The following SOX8 variants were observed in gnomAD, a reference collection of about 807,000 sequenced individuals.
The protein encoded by SOX8 is transcription factor SOX-8.
In SOX8, 9 loss-of-function variants were observed where a neutral mutation model predicts 22.9. The observed-to-expected ratio is 0.39, with a 90% CI of 0.24 to 0.69. The LOEUF (loss-of-function observed/expected upper bound fraction) is 0.69, where lower values mean the gene tolerates loss of function less well. SOX8 is among the 30% of genes least tolerant of loss of function. The pLI is 0.43. For synonymous variants in SOX8, 416 were observed against 330.6 expected, an observed-to-expected ratio of 1.26 and a Z score of -2.80; for missense variants, 734 against 699.4, an observed-to-expected ratio of 1.05 and a Z score of -0.56.
Position 984,717 on chromosome 16 carries a change from G to GCCCC in SOX8, c.675_676insCCCC (p.Thr226ProfsTer255). 1.3e-6 allele frequency: 2 copies of GCCCC among 1,543,478 alleles called. No individual in the cohort carries two copies. Among genetic ancestry groups the GCCCC allele is most frequent in the Non-Finnish European group, 1.7e-6 (2 of 1,148,398 alleles). ...TGTCCCCAGGGCAGACCCACGGGCC[G>GCCCC]CCCACCCCGCCCACCACCCCCAAGA... On this transcript the variant is annotated frameshift_variant, in exon 3 of 3. Transcript: ENST00000293894. LOFTEE classifies it low-confidence loss of function (END_TRUNC).
rs1019429608 is a variant in SOX8 at position 981,790 on chromosome 16, G to A, written c.-133G>A. On this transcript the variant is annotated 5_prime_UTR_variant, in exon 1 of 3. Coordinates refer to ENST00000293894, the MANE Select transcript of SOX8 (RefSeq NM_014587.5). The stretch of plus-strand genomic sequence containing the variant: ...GCAGCGGGACCCGAGCCTCGGCGGC[G>A]GCGGCGGCGGCGGCAGGGGCGAGGG... 1.9e-5 allele frequency: 6 copies of A among 315,632 alleles called. No individual in the cohort carries two copies. The highest frequency in any genetic ancestry group is 2.2e-4 in the South Asian group (2 of 8,988). The allele number at this position is 315,632 out of a possible 1,614,324, so 19.6% of individuals were successfully genotyped here. A position where few individuals can be genotyped will look rare whatever the true frequency, so the allele number is the denominator to read the frequency against.
rs1435449875 is a variant in SOX8 at position 985,287 on chromosome 16, C to A, written c.1242C>A (p.Pro414=). The A allele has an allele frequency of 6.2e-7, 1 of 1,610,886 alleles. No individual in the cohort carries two copies. ...QYPCFHSPRR[P]YASPLLNGLA... ...CCTGCTTCCACTCGCCGCGCCGGCC[C>A]TACGCCTCACCCCTGCTCAACGGCC... Residue 414 remains proline (P), a synonymous_variant, in exon 3 of 3, where the codon CCC becomes CCA. Coordinates refer to ENST00000293894, the MANE Select transcript of SOX8 (RefSeq NM_014587.5).
chr16:981,972 G>T lies in SOX8; in HGVS notation c.50G>T (p.Gly17Val). ...ARSQPPCSPSGTASSMSHVED... is the reference protein window; with the variant it reads ...ARSQPPCSPSVTASSMSHVED... Reference sequence around the variant, plus strand: ...TCCCAGCCGCCCTGCAGCCCGTCCGGCACCGCCAGCTCCATGTCGCACGTG... The same window carrying T: ...TCCCAGCCGCCCTGCAGCCCGTCCGTCACCGCCAGCTCCATGTCGCACGTG... Residue 17 changes from glycine to valine, a missense_variant, in exon 1 of 3, where the codon GGC (glycine) becomes GTC (valine). Around this residue, in one of 3 missense-constraint regions of SOX8, gnomAD observed 139 missense variants for 109.1 expected, o/e 1.27. Coordinates refer to ENST00000293894, the MANE Select transcript of SOX8 (RefSeq NM_014587.5). The T allele has an allele frequency of 6.9e-7, 1 of 1,443,940 alleles. No individual in the cohort carries two copies. Among genetic ancestry groups the T allele is most frequent in the Non-Finnish European group, 9.1e-7 (1 of 1,098,248 alleles). The allele number at this position is 1,443,940 out of a possible 1,614,324, so 89.4% of individuals were successfully genotyped here.
chr16:982,315 G>C lies in SOX8; in HGVS notation c.393G>C (p.Glu131Asp). Residue 131 changes from glutamate to aspartate, a missense_variant, in exon 1 of 3, where the codon GAG becomes GAC. Glu to Asp is a conservative substitution (Grantham distance 45). Transcript: ENST00000293894. ...ADQYPHLHNA[E>D]LSKTLGKLWR... The stretch of plus-strand genomic sequence containing the variant: ...AGTACCCGCACCTGCACAACGCCGA[G>C]CTCAGCAAGACGCTGGGCAAGCTGT... The C allele has an allele frequency of 7.0e-7, 1 of 1,425,876 alleles. No homozygotes were observed. Among genetic ancestry groups the C allele is most frequent in the Non-Finnish European group, 9.2e-7 (1 of 1,083,588 alleles). The allele number at this position is 1,425,876 out of a possible 1,614,324, so 88.3% of individuals were successfully genotyped here.
rs2073467777 is a variant in SOX8, at chr16:986,971, T to G, written c.*1585T>G. ...ATTTGATAAAATTAAACAAAGTGCT[T>G]TTTATGGACGTGGGCTGCATTTTGT... On this transcript the variant is annotated 3_prime_UTR_variant, in exon 3 of 3. Transcript: ENST00000293894. 6.6e-6 allele frequency: 1 copy of G among 152,246 alleles called. No homozygotes were observed. The highest frequency in any genetic ancestry group is 2.4e-5 in the African/African-American group (1 of 41,468). The allele number at this position is 152,246 out of a possible 1,614,324, so 9.4% of individuals were successfully genotyped here. A position where few individuals can be genotyped will look rare whatever the true frequency, so the allele number is the denominator to read the frequency against.
chr16:985,069 C>T lies in SOX8; in HGVS notation c.1024C>T (p.Gln342Ter), dbSNP rs1432968498. Residue 342 changes from glutamine to a stop codon, truncating the protein, a stop_gained, in exon 3 of 3, where the codon CAG (glutamine) becomes TAG (stop). Transcript: ENST00000293894. LOFTEE classifies it low-confidence loss of function (END_TRUNC). ...CCCACGGCCGCACATCAAGACGGAGCAGCCGAGCCCCGGCCACTACGGCGA... is the reference window on the plus strand; with the variant it reads ...CCCACGGCCGCACATCAAGACGGAGTAGCCGAGCCCCGGCCACTACGGCGA... ...GPPRPHIKTE[Q>*]PSPGHYGDQP... The T allele has an allele frequency of 6.3e-7, 1 of 1,583,766 alleles. No homozygotes were observed. The highest frequency in any genetic ancestry group is 8.5e-7 in the Non-Finnish European group (1 of 1,172,256).
intron 1 of SOX8, chr16:982,679 C>G (rs1297158276): frequency 7.9e-6 from 2 of 254,182 alleles, no homozygotes; most frequent in Admixed American, 5.6e-5. Context: ...CCAGCCGTTG[C>G]GAGTGGCCCC....
chr16:985,334 G>C lies in SOX8; in HGVS notation c.1289G>C (p.Ser430Thr). ...GGCCTGGCCCTGCCGCCCGCCCACA[G>C]CCCCACCAGTCACTGGGACCAGCCG... ...LNGLALPPAHSPTSHWDQPVY... is the reference protein window; with the variant it reads ...LNGLALPPAHTPTSHWDQPVY... Residue 430 changes from serine (S) to threonine (T), a missense_variant, in exon 3 of 3, where the codon AGC (serine) becomes ACC (threonine). This residue lies in a region of SOX8 where 588 missense variants were observed against 568.2 expected (regional missense o/e 1.03). Transcript: ENST00000293894. The C allele has an allele frequency of 6.3e-7, 1 of 1,594,542 alleles. No individual in the cohort carries two copies. The highest frequency in any genetic ancestry group is 1.1e-5 in the South Asian group (1 of 89,674).
rs1042599349 is a variant in SOX8 at position 985,647 on chromosome 16, C to T, written c.*261C>T. ...ACAAAGAAGGGCTGCCGTTTGGTCCCTCTTCCGTGAGGACTGGCGGCACCA... is the reference window on the plus strand; with the variant it reads ...ACAAAGAAGGGCTGCCGTTTGGTCCTTCTTCCGTGAGGACTGGCGGCACCA... On this transcript the variant is annotated 3_prime_UTR_variant, in exon 3 of 3. Transcript: ENST00000293894. 1.1e-5 allele frequency: 5 copies of T among 474,610 alleles called. No individual in the cohort carries two copies. Among genetic ancestry groups the T allele is most frequent in the Non-Finnish European group, 1.5e-5 (4 of 269,698 alleles). 29.4% of individuals were successfully genotyped at this position (474,610 alleles called of 1,614,324 possible).
Position 982,031 on chromosome 16 carries a change from G to T in SOX8, c.109G>T (p.Ala37Ser), listed in dbSNP as rs774595911. 3.6e-6 allele frequency: 5 copies of T among 1,382,406 alleles called. No individual in the cohort carries two copies. In the South Asian group the frequency reaches 6.5e-5, roughly 18 times the overall value. 85.6% of individuals were successfully genotyped at this position (1,382,406 alleles called of 1,614,324 possible). A position where few individuals can be genotyped will look rare whatever the true frequency, so the allele number is the denominator to read the frequency against. Residue 37 changes from alanine to serine, a missense_variant, in exon 1 of 3, where the codon GCC (alanine) becomes TCC (serine). Transcript: ENST00000293894. Reference sequence around the variant, plus strand: ...GGACTCGGACGCGCCGCCGTCTCCCGCCGGCTCCGAGGGCCTGGGCCGCGC... The same window carrying T: ...GGACTCGGACGCGCCGCCGTCTCCCTCCGGCTCCGAGGGCCTGGGCCGCGC... ...DSDSDAPPSP[A>S]GSEGLGRAGV...
Position 984,802 on chromosome 16 carries a change from G to A in SOX8, c.757G>A (p.Asp253Asn), listed in dbSNP as rs1190054875. ...GAAGCTGGAGGGACGCCGGCCGGTG[G>A]ACAGCGGGCGCCAGAACATCGACTT... is the stretch of plus-strand genomic sequence containing the variant. ...ELKLEGRRPV[D>N]SGRQNIDFSN... The change falls in exon 3 of 3, where the codon GAC (aspartate) becomes AAC (asparagine). Residue 253 changes from aspartate to asparagine, a missense_variant. This residue lies in a region of SOX8 where 588 missense variants were observed against 568.2 expected (regional missense o/e 1.03). Transcript: ENST00000293894. 1 of 1,611,778 alleles carries A rather than the reference G, an allele frequency of 6.2e-7. No homozygotes were observed.
At position 981,809 on chromosome 16, in the gene SOX8, G is replaced by C. The variant is rs1678148078; in HGVS notation, c.-114G>C. The C allele has an allele frequency of 4.6e-6, 2 of 430,516 alleles. No homozygotes were observed. Among genetic ancestry groups the C allele is most frequent in the African/African-American group, 2.2e-5 (1 of 44,648 alleles). The allele number at this position is 430,516 out of a possible 1,614,324, so 26.7% of individuals were successfully genotyped here. ...GGCGGCGGCGGCGGCGGCGGCAGGG[G>C]CGAGGGTCGGGGCCACCGCGCGGCG... is the stretch of plus-strand genomic sequence containing the variant. On this transcript the variant is annotated 5_prime_UTR_variant, in exon 1 of 3. Transcript: ENST00000293894.
rs952512943 is a variant in SOX8 at position 985,732 on chromosome 16, A to T, written c.*346A>T. 1 of 249,318 alleles carries T rather than the reference A, an allele frequency of 4.0e-6. No individual in the cohort carries two copies. The highest frequency in any genetic ancestry group is 7.6e-6 in the Non-Finnish European group (1 of 131,452). 15.4% of individuals were successfully genotyped at this position (249,318 alleles called of 1,614,324 possible). ...GGCAGCACAGCCCAAGGACCAAAGG[A>T]GGGGGTGGCAGGGGCCTTGCAGGGC... On this transcript the variant is annotated 3_prime_UTR_variant, in exon 3 of 3. Coordinates refer to ENST00000293894, the MANE Select transcript of SOX8 (RefSeq NM_014587.5).
rs759581933 is a variant in SOX8 at position 984,861 on chromosome 16, G to A, written c.816G>A (p.Glu272=). 4 of 1,612,000 alleles carry A rather than the reference G, an allele frequency of 2.5e-6. No individual in the cohort carries two copies. Among genetic ancestry groups the A allele is most frequent in the East Asian group, 2.2e-5 (1 of 44,840 alleles). ...SNVDISELSS[E]VMGTMDAFDV... is the part of the protein sequence containing the mutation. The stretch of plus-strand genomic sequence containing the variant: ...TGGACATCTCGGAGCTCAGCAGCGA[G>A]GTCATGGGCACCATGGACGCCTTCG... The change falls in exon 3 of 3, where the codon GAG becomes GAA. Residue 272 remains glutamate (E), a synonymous_variant. Coordinates refer to ENST00000293894, the MANE Select transcript of SOX8 (RefSeq NM_014587.5).
chr16:984,082 C>A, intron 2 of SOX8, 122 bp downstream of exon 2: 1 of 880,978 alleles, frequency 1.1e-6, no homozygotes. Flanking sequence ...ACCGGGCCTT[C>A]CCCGGGTTCC....
Position 983,901 on chromosome 16 carries a change from G to T in SOX8, c.596G>T (p.Gly199Val). ...GAGCTGGGACCCCACCCTGGCGGCG[G>T]TGCCGTGTACAAGGCTGAAGCAGGG... is the stretch of plus-strand genomic sequence containing the variant. ...GAELGPHPGG[G>V]AVYKAEAGLG... Residue 199 changes from glycine to valine, a missense_variant, in exon 2 of 3, where the codon GGT (glycine) becomes GTT (valine). Physicochemically the swap from Gly to Val is moderately radical, Grantham distance 109. This residue lies in a region of SOX8 where 588 missense variants were observed against 568.2 expected (regional missense o/e 1.03). Transcript: ENST00000293894. 1 of 1,601,918 alleles carries T rather than the reference G, an allele frequency of 6.2e-7. No individual in the cohort carries two copies. Among genetic ancestry groups the T allele is most frequent in the Non-Finnish European group, 8.5e-7 (1 of 1,174,552 alleles).
chr16:984,615 G>A (rs939268491), intron 2 of SOX8, 86 bp from the exon 3 acceptor site: 18 of 794,738 alleles, frequency 2.3e-5, no homozygotes, highest in Admixed American at 6.2e-5. Context: ...CAGTTAGCGC[G>A]GGCGTCCCTC....
chr16:984,899 T>G lies in SOX8; in HGVS notation c.854T>G (p.Phe285Cys). 1.9e-6 allele frequency: 3 copies of G among 1,610,050 alleles called. No individual in the cohort carries two copies. Among genetic ancestry groups the G allele is most frequent in the Non-Finnish European group, 2.5e-6 (3 of 1,178,488 alleles). The change falls in exon 3 of 3, where the codon TTC becomes TGC. Residue 285 changes from phenylalanine (F) to cysteine (C), a missense_variant. Phe to Cys is a radical substitution (Grantham distance 205). Around this residue, in one of 3 missense-constraint regions of SOX8, gnomAD observed 588 missense variants for 568.2 expected, o/e 1.03. Coordinates refer to ENST00000293894, the MANE Select transcript of SOX8 (RefSeq NM_014587.5). ...ATGGACGCCTTCGACGTCCACGAGT[T>G]CGACCAGTACCTGCCCCTGGGCGGC... is the stretch of plus-strand genomic sequence containing the variant. ...GTMDAFDVHEFDQYLPLGGPA... is the reference protein window; with the variant it reads ...GTMDAFDVHECDQYLPLGGPA...
Position 985,422 on chromosome 16 carries a change from G to A in SOX8, c.*36G>A, listed in dbSNP as rs11542180. 8.2e-5 allele frequency: 121 copies of A among 1,471,330 alleles called. No homozygotes were observed. The highest frequency in any genetic ancestry group is 4.1e-4 in the Admixed American group (19 of 46,906). 91.1% of individuals were successfully genotyped at this position (1,471,330 alleles called of 1,614,324 possible). On this transcript the variant is annotated 3_prime_UTR_variant, in exon 3 of 3. Transcript: ENST00000293894. ...GCGGGGAGGGACTCGCAGGCGTCAG[G>A]GGGCAGCCTTGTCCCGGCCCAGTGT...
Sources: allele counts gnomAD v4.1 joint callset, GRCh38; gene constraint gnomAD v4.1.1; regional missense constraint gnomAD v4.1.1; transcripts MANE v1.5; gene names NCBI Gene and HGNC (gene_info 2026-07-23, HGNC 2026-07-21).